Variants in CSGALNACT1 observed in about 807,000 individuals in gnomAD.
The protein encoded by CSGALNACT1 is beta4GalNAcT-1.
CSGALNACT1 carries 52 observed loss-of-function variants against 51.0 expected under a neutral mutation model. The ratio of observed to expected loss-of-function variants is 1.02; its 90% CI spans 0.82 to 1.29. CSGALNACT1 has a LOEUF of 1.29. CSGALNACT1 is among the 50% of genes most tolerant of loss of function. The pLI is 0.00. For missense variants in CSGALNACT1, 935 were observed against 679.2 expected (o/e 1.38, Z -4.19); for synonymous variants, 341 against 254.4 (o/e 1.34, Z -3.24).
upstream of CSGALNACT1, chr8:19,682,856 C>G (rs531164394): frequency 5.1e-6 from 2 of 393,708 alleles, no homozygotes; most frequent in South Asian, 3.7e-5. Context: ...ACACTGCAGT[C>G]AGCAGCCCTC....
chr8:19,509,234 T>C (rs1476893517), intron 3 of CSGALNACT1, among the ~76,000 whole-genome samples: 1 of 152,218 alleles, frequency 6.6e-6, no homozygotes, highest in Non-Finnish European at 1.5e-5. Context: ...GAGTATCTGC[T>C]TCCTGAAGTC....
intron 1 of CSGALNACT1, among the ~76,000 whole-genome samples, chr8:19,674,439 G>T (rs1016662509): frequency 6.6e-6 from 1 of 152,132 alleles, no homozygotes; most frequent in Non-Finnish European, 1.5e-5. Flanking sequence ...GGGGGAAGAC[G>T]GAAGAAGGAA....
intron 3 of CSGALNACT1, among the ~76,000 whole-genome samples, chr8:19,509,221 T>C (rs1369283801): frequency 6.6e-6 from 1 of 152,202 alleles, no homozygotes; most frequent in African/African-American, 2.4e-5. Flanking sequence ...CTGAAGAGGC[T>C]GGGAGTATCT....
chr8:19,489,785 C>T (rs2073947632), intron 4 of CSGALNACT1, among the ~76,000 whole-genome samples: 1 of 152,126 alleles, frequency 6.6e-6, no homozygotes, highest in Admixed American at 6.5e-5. Context: ...TGTGTGTCTC[C>T]AATTTTAAAT....
At chr8:19,580,107 G>T (rs2154120735) in intron 3 of CSGALNACT1, among the ~76,000 whole-genome samples, 1 of 152,350 alleles carries the variant, frequency 6.6e-6, no homozygotes, top group Non-Finnish European at 1.5e-5. Context: ...AGGTTGCACT[G>T]GACGAGCAGA....
chr8:19,624,587 C>A (rs13257337), intron 1 of CSGALNACT1, among the ~76,000 whole-genome samples: 98,594 of 152,030 alleles, frequency 0.65, 32,603 homozygotes, highest in African/African-American at 0.77. Flanking sequence ...GAATCACTCT[C>A]ATGTGTTAAT....
chr8:19,623,961 G>C (rs1363371406), intron 1 of CSGALNACT1, among the ~76,000 whole-genome samples: 3 of 152,210 alleles, frequency 2.0e-5, no homozygotes, highest in Admixed American at 2.0e-4. Flanking sequence ...ATCACTGGAG[G>C]CAAATGGCGA....
chr8:19,619,283 T>A (rs954802382), intron 1 of CSGALNACT1, among the ~76,000 whole-genome samples: 1 of 148,954 alleles, frequency 6.7e-6, no homozygotes, highest in Non-Finnish European at 1.5e-5. Context: ...AGCACAGACA[T>A]GAGAAAGCAT....
At chr8:19,407,576 G>A (rs942464601) in intron 9 of CSGALNACT1, among the ~76,000 whole-genome samples, 1 of 152,180 alleles carries the variant, frequency 6.6e-6, no homozygotes, top group Non-Finnish European at 1.5e-5. Context: ...AAGGGGGACA[G>A]GAGGCCTCTA....
At chr8:19,565,003 T>A (rs1335292922) in intron 3 of CSGALNACT1, among the ~76,000 whole-genome samples, 1 of 152,168 alleles carries the variant, frequency 6.6e-6, no homozygotes, top group Non-Finnish European at 1.5e-5. Flanking sequence ...GTGCTTTGCA[T>A]ATAAAAGGAC....
intron 3 of CSGALNACT1, among the ~76,000 whole-genome samples, chr8:19,565,901 G>T (rs762356747): frequency 5.9e-5 from 9 of 152,104 alleles, no homozygotes; most frequent in Non-Finnish European, 1.2e-4. Context: ...ACAGAGCAAG[G>T]CTCCATCTCA....
chr8:19,728,018 C>T (rs895276811), intron 1 of CSGALNACT1, among the ~76,000 whole-genome samples: 3 of 152,126 alleles, frequency 2.0e-5, no homozygotes, highest in African/African-American at 7.2e-5. Flanking sequence ...GTTCTACGCG[C>T]GATGCTCTGA....
chr8:19,557,966 A>G (rs986883017), intron 3 of CSGALNACT1, among the ~76,000 whole-genome samples: 2 of 152,220 alleles, frequency 1.3e-5, no homozygotes, highest in South Asian at 2.1e-4. Context: ...AAGACATGTA[A>G]AAATGAAAAC....
intron 1 of CSGALNACT1, among the ~76,000 whole-genome samples, chr8:19,657,611 C>T (rs2058395503): frequency 6.6e-6 from 1 of 152,178 alleles, no homozygotes. Context: ...GTATAAAATA[C>T]CTTCCATGTG....
At chr8:19,491,199 G>A (rs868634796) in intron 4 of CSGALNACT1, among the ~76,000 whole-genome samples, 19 of 151,720 alleles carry the variant, frequency 1.3e-4, no homozygotes, top group African/African-American at 4.1e-4. Flanking sequence ...GATAGCCTTT[G>A]TCCTATGTTA....
rs113285080 is a variant in CSGALNACT1 at position 19,631,656 on chromosome 8, C to T, written c.-543-29791G>A. Among the ~76,000 whole-genome samples, 436 of 152,292 alleles carry T rather than the reference C, an allele frequency of 2.9e-3. 3 individuals carry two copies. The highest frequency in any genetic ancestry group is 0.021 in the South Asian group (102 of 4,830). On this transcript the variant is annotated intron_variant, in intron 1 of 9. Transcript: ENST00000332246. ...TTGAAAAAGCCAAGTCAAAATGTGT[C>T]CCTTCACTAATATGCCAAAATGAAC...
At chr8:19,415,611 G>A (rs761972412) in intron 8 of CSGALNACT1, among the ~76,000 whole-genome samples, 1 of 152,132 alleles carries the variant, frequency 6.6e-6, no homozygotes, top group African/African-American at 2.4e-5. Flanking sequence ...CTCCTACCCT[G>A]CAGGAATAAT....
At chr8:19,415,941 C>T (rs1314780293) in intron 8 of CSGALNACT1, among the ~76,000 whole-genome samples, 2 of 152,054 alleles carry the variant, frequency 1.3e-5, no homozygotes, top group South Asian at 4.1e-4. Context: ...ATTTGTGTAT[C>T]TGAACATAGA....
chr8:19,649,076 C>T lies in CSGALNACT1; in HGVS notation c.-544+33397G>A, dbSNP rs533211779. 5.2e-3 allele frequency among the ~76,000 whole-genome samples: 794 copies of T among 152,272 alleles called. 7 individuals are homozygous for T. The highest frequency in any genetic ancestry group is 0.018 in the African/African-American group (760 of 41,560). ...AACATTAATAGTTGATATTTGCCTA[C>T]TGTATTCTGTGTGCCAATAATTGTT... On this transcript the variant is annotated intron_variant, in intron 1 of 9. Transcript: ENST00000332246.
Sources: gnomAD v4.1 joint callset for allele counts (sites outside exome capture counted in the v4.1 genomes callset) on GRCh38, gnomAD v4.1.1 for gene constraint, MANE v1.5 for transcripts, NCBI Gene and HGNC (gene_info 2026-07-23, HGNC 2026-07-21) for gene names.